Variants in SLC4A10 observed in about 807,000 individuals in gnomAD.
SLC4A10 encodes sodium-driven chloride bicarbonate exchanger.
Under a neutral mutation model 137.7 loss-of-function variants are expected in SLC4A10, and 42 were observed. The observed-to-expected ratio is 0.30, with a 90% CI of 0.24 to 0.39. The LOEUF (loss-of-function observed/expected upper bound fraction) is 0.39. Ranked by LOEUF, SLC4A10 falls within the 10% of genes least tolerant of loss-of-function variation. The pLI is 1.00. For synonymous variants in SLC4A10, 474 were observed against 464.1 expected (o/e 1.02, Z -0.27); for missense variants, 925 against 1,355.0 (o/e 0.68, Z 4.98).
At chr2:161,864,398 A>T (rs1440032152) in intron 6 of SLC4A10, among the ~76,000 whole-genome samples, 1 of 152,150 alleles carries the variant, frequency 6.6e-6, no homozygotes, top group Non-Finnish European at 1.5e-5. Flanking sequence ...TTTTCTTCAG[A>T]TTTGCTTCAT....
intron 3 of SLC4A10, among the ~76,000 whole-genome samples, chr2:161,821,233 G>T (rs1374905142): frequency 6.6e-6 from 1 of 152,076 alleles, no homozygotes; most frequent in Non-Finnish European, 1.5e-5. Flanking sequence ...TCTCATAATG[G>T]TATTTTTTTG....
rs147524438 is a variant in SLC4A10, at chr2:161,825,093, A to G, written c.278-14696A>G. On this transcript the variant is annotated intron_variant, in intron 3 of 26. Coordinates refer to ENST00000446997, the MANE Select transcript of SLC4A10 (RefSeq NM_001178015.2). ...AAAAATACAGTACATAATACACATA[A>G]TATACACATTATGTGTTAATTGACT... is the stretch of plus-strand genomic sequence containing the variant. Among the ~76,000 whole-genome samples, 429 of 152,290 alleles carry G rather than the reference A, an allele frequency of 2.8e-3. 5 individuals are homozygous for G. The highest frequency in any genetic ancestry group is 7.1e-3 in the Admixed American group (109 of 15,290).
intron 15 of SLC4A10, among the ~76,000 whole-genome samples, chr2:161,928,108 A>G (rs1460683506): frequency 6.6e-6 from 1 of 150,768 alleles, no homozygotes; most frequent in Admixed American, 6.6e-5. Flanking sequence ...AATAGCAAAG[A>G]CTTGGAACCA....
intron 15 of SLC4A10, among the ~76,000 whole-genome samples, chr2:161,933,233 TTCTTTCTTTC>T (rs769286409): frequency 6.8e-6 from 1 of 147,140 alleles, no homozygotes; most frequent in Non-Finnish European, 1.5e-5. Flanking sequence ...CTTTCTTTCT[TTCTTTCTTTC>T]TTTCTTTCTT....
At chr2:161,960,729 G>GAA (rs113428226) in intron 21 of SLC4A10, among the ~76,000 whole-genome samples, 1,881 of 132,850 alleles carry the variant, frequency 0.014, 32 homozygotes, top group East Asian at 0.1. Context: ...CAAAAAAAAA[G>GAA]AAAAAAAAAA....
intron 1 of SLC4A10, among the ~76,000 whole-genome samples, chr2:161,659,199 T>C (rs1250607101): frequency 6.6e-6 from 1 of 152,218 alleles, no homozygotes; most frequent in African/African-American, 2.4e-5. Flanking sequence ...ATGGTATATA[T>C]ACACGATGGA....
At chr2:161,758,225 T>C (rs1000062606) in intron 1 of SLC4A10, among the ~76,000 whole-genome samples, 3 of 151,996 alleles carry the variant, frequency 2.0e-5, no homozygotes, top group African/African-American at 4.8e-5. Flanking sequence ...ATATCACTAA[T>C]AAATAATCAT....
At chr2:161,657,512 A>G (rs1486375745) in intron 1 of SLC4A10, among the ~76,000 whole-genome samples, 1 of 152,024 alleles carries the variant, frequency 6.6e-6, no homozygotes, top group Non-Finnish European at 1.5e-5. Flanking sequence ...CTAAATACCC[A>G]AGAAGAATAA....
intron 1 of SLC4A10, among the ~76,000 whole-genome samples, chr2:161,728,197 T>C (rs2046426614): frequency 6.6e-6 from 1 of 152,138 alleles, no homozygotes; most frequent in Admixed American, 6.6e-5. Flanking sequence ...CTACCAAAAC[T>C]CACCCCAAAT....
At chr2:161,911,743 A>T (rs769982969) in intron 15 of SLC4A10, among the ~76,000 whole-genome samples, 16 of 152,214 alleles carry the variant, frequency 1.1e-4, no homozygotes, top group Non-Finnish European at 1.9e-4. Context: ...CACATATTGT[A>T]TGAACATGTT....
intron 1 of SLC4A10, among the ~76,000 whole-genome samples, chr2:161,706,541 A>G (rs568581120): frequency 1.3e-5 from 2 of 151,644 alleles, no homozygotes; most frequent in South Asian, 4.1e-4. Context: ...AAATTATTTA[A>G]CATTCTCCTG....
intron 1 of SLC4A10, among the ~76,000 whole-genome samples, chr2:161,625,588 C>T (rs1299117051): frequency 6.6e-6 from 1 of 152,010 alleles, no homozygotes; most frequent in Non-Finnish European, 1.5e-5. Flanking sequence ...AAGGGACTGG[C>T]GGTGAGCTGT....
In SLC4A10 at chr2:161,958,568, C is replaced by T; in HGVS notation, c.2862+13C>T. On this transcript the variant is annotated intron_variant, in intron 21 of 26. Transcript: ENST00000446997. The stretch of plus-strand genomic sequence containing the variant: ...AAAGGGAATTCAGGTAAATTACTTA[C>T]AGTACTACAGGCACATCTGTGATGA... The T allele has an allele frequency of 2.5e-6, 4 of 1,592,056 alleles. No homozygotes were observed. Among genetic ancestry groups the T allele is most frequent in the South Asian group, 1.1e-5 (1 of 89,648 alleles).
At chr2:161,722,721 G>GA (rs1468084289) in intron 1 of SLC4A10, among the ~76,000 whole-genome samples, 1 of 152,198 alleles carries the variant, frequency 6.6e-6, no homozygotes, top group Non-Finnish European at 1.5e-5. Flanking sequence ...CTGCTCTGGG[G>GA]AAAATCCCCT....
At chr2:161,795,654 T>C (rs2054690882) in intron 2 of SLC4A10, among the ~76,000 whole-genome samples, 1 of 152,218 alleles carries the variant, frequency 6.6e-6, no homozygotes, top group Non-Finnish European at 1.5e-5. Context: ...ATAGGCACTA[T>C]GCTGTGTAGT....
intron 17 of SLC4A10, among the ~76,000 whole-genome samples, chr2:161,948,648 A>G (rs1694262639): frequency 6.6e-6 from 1 of 152,050 alleles, no homozygotes; most frequent in Non-Finnish European, 1.5e-5. Context: ...AAATTTGCCC[A>G]CTCTGTTGTG....
intron 3 of SLC4A10, 89 bp downstream of exon 3, chr2:161,804,684 A>C: frequency 8.3e-7 from 1 of 1,198,996 alleles, no homozygotes; most frequent in Non-Finnish European, 1.1e-6. Context: ...CCTTATACTC[A>C]TAAAATTGTT....
intron 15 of SLC4A10, among the ~76,000 whole-genome samples, chr2:161,907,936 T>A (rs1404792647): frequency 6.6e-6 from 1 of 152,082 alleles, no homozygotes; most frequent in Non-Finnish European, 1.5e-5. Context: ...CTGTTTCAAG[T>A]GGTAGGAAGG....
chr2:161,808,446 G>A (rs530974821), intron 3 of SLC4A10, among the ~76,000 whole-genome samples: 2 of 151,822 alleles, frequency 1.3e-5, no homozygotes, highest in Admixed American at 6.6e-5. Flanking sequence ...CTTTGGATTC[G>A]GGGGCATGTG....
Sources: allele counts gnomAD v4.1 joint callset (sites outside exome capture counted in the v4.1 genomes callset), GRCh38; gene constraint gnomAD v4.1.1; transcripts MANE v1.5; gene names NCBI Gene and HGNC (gene_info 2026-07-23, HGNC 2026-07-21).